The following ABI3BP variants were observed in gnomAD, a reference collection of about 807,000 sequenced individuals.
The protein encoded by ABI3BP is ABI family member 3 binding protein, also known as target of Nesh-SH3.
Under a neutral mutation model 268.6 loss-of-function variants are expected in ABI3BP, and 216 were observed. The observed-to-expected ratio is 0.80, with a 90% CI of 0.72 to 0.90. The LOEUF (loss-of-function observed/expected upper bound fraction) is 0.90, where lower values mean the gene tolerates loss of function less well. Among genes scored for constraint, ABI3BP ranks in the 40% least tolerant of loss-of-function variants. The pLI is 0.00. For synonymous variants in ABI3BP, 730 were observed against 730.0 expected, an observed-to-expected ratio of 1.00 and a Z score of 0.00; for missense variants, 2,090 against 2,182.4, an observed-to-expected ratio of 0.96 and a Z score of 0.84.
intron 56 of ABI3BP, 109 bp downstream of exon 56, chr3:100,789,345 A>G (rs35476532): frequency 0.051 from 50,077 of 979,058 alleles, 1,564 homozygotes; most frequent in Non-Finnish European, 0.063. Context: ...GTCTCTGTAC[A>G]TCTCTTATTG....
intron 65 of ABI3BP, among the ~76,000 whole-genome samples, 186 bp from the exon 66 acceptor site, chr3:100,753,134 C>T (rs1321862732): frequency 6.6e-6 from 1 of 152,074 alleles, no homozygotes; most frequent in Non-Finnish European, 1.5e-5. Flanking sequence ...ATAGATAAAT[C>T]TGAGAGCAGC....
At position 100,894,938 on chromosome 3, in the gene ABI3BP, CAAAAAA is replaced by C. The variant is rs58342344; in HGVS notation, c.461+3818_461+3823del. 6.7e-3 allele frequency among the ~76,000 whole-genome samples: 253 copies of C among 37,702 alleles called. 1 individual carries two copies. Among genetic ancestry groups the C allele is most frequent in the Middle Eastern group, 0.045 (1 of 22 alleles). 24.7% of individuals were successfully genotyped at this position (37,702 alleles called of 152,430 possible). Reference sequence around the variant, plus strand: ...TGGGCGACAGAGCGGGATTCCGCTTCAAAAAAAAAAAAAAAAAAAAAAAAAAAAACA... The same window carrying C: ...TGGGCGACAGAGCGGGATTCCGCTTCAAAAAAAAAAAAAAAAAAAAAAACA... On this transcript the variant is annotated intron_variant, in intron 4 of 67. Coordinates refer to ENST00000471714, the MANE Select transcript of ABI3BP (RefSeq NM_001375547.2).
At position 100,809,414 on chromosome 3, in the gene ABI3BP, T is replaced by C. The variant is rs557639018; in HGVS notation, c.3607+998A>G. The stretch of plus-strand genomic sequence containing the variant: ...AGAAAGACCACCTGAAGGTTAGGCA[T>C]GTCATAAAGCAATTCCATGAAAAAT... On this transcript the variant is annotated intron_variant, in intron 49 of 67. Transcript: ENST00000471714. Among the ~76,000 whole-genome samples the C allele has an allele frequency of 1.0e-3, 156 of 152,186 alleles. 1 individual carries two copies. The highest frequency in any genetic ancestry group is 3.7e-3 in the African/African-American group (152 of 41,556).
intron 55 of ABI3BP, among the ~76,000 whole-genome samples, chr3:100,791,908 A>G (rs1375861900): frequency 6.6e-6 from 1 of 151,830 alleles, no homozygotes; most frequent in Non-Finnish European, 1.5e-5. Flanking sequence ...CCCTCAAATT[A>G]GAACTCATAA....
At chr3:100,786,090 C>G (rs188041782) in intron 57 of ABI3BP, among the ~76,000 whole-genome samples, 13 of 152,278 alleles carry the variant, frequency 8.5e-5, no homozygotes, top group African/African-American at 2.4e-4. Flanking sequence ...GAGATGATAG[C>G]TGGGTGCCGT....
chr3:100,772,025 T>G (rs559924814), intron 61 of ABI3BP, among the ~76,000 whole-genome samples: 2 of 152,146 alleles, frequency 1.3e-5, no homozygotes, highest in Non-Finnish European at 2.9e-5. Context: ...AAAGACATGT[T>G]GTATACAGAA....
chr3:100,766,976 A>G (rs2096298654), intron 62 of ABI3BP, among the ~76,000 whole-genome samples: 1 of 152,184 alleles, frequency 6.6e-6, no homozygotes, highest in African/African-American at 2.4e-5. Context: ...AGAATAACCC[A>G]GATAGACCCC....
At chr3:100,841,852 T>C in intron 21 of ABI3BP, 146 bp downstream of exon 21, 1 of 639,584 alleles carries the variant, frequency 1.6e-6, no homozygotes. Flanking sequence ...ATCACGCCAC[T>C]GCACTCCAGC....
At chr3:100,750,752 T>C (rs2095266566) in intron 67 of ABI3BP, 142 bp from the exon 68 acceptor site, 1 of 615,304 alleles carries the variant, frequency 1.6e-6, no homozygotes, top group East Asian at 2.9e-5. Context: ...AGCAAGAAGT[T>C]CTGGTGTTTT....
In ABI3BP at chr3:100,824,891, T is replaced by C; in HGVS notation, c.2713A>G (p.Thr905Ala). The part of the protein sequence containing the change: ...TRPPRPRPKT[T>A]PSPQAPETKP... ...GTCTCAGGTGCCTGAGGGCTCGGTG[T>C]AGTTTTAGGTCTGGGACGTGGAGGG... Residue 905 changes from threonine to alanine, a missense_variant, in exon 36 of 68, where the codon ACA (threonine) becomes GCA (alanine). By Grantham distance (58) the Thr-to-Ala change is moderately conservative. Coordinates refer to ENST00000471714, the MANE Select transcript of ABI3BP (RefSeq NM_001375547.2). 1 of 1,536,034 alleles carries C rather than the reference T, an allele frequency of 6.5e-7. No homozygotes were observed. Among genetic ancestry groups the C allele is most frequent in the East Asian group, 2.4e-5 (1 of 40,900 alleles).
intron 3 of ABI3BP, among the ~76,000 whole-genome samples, chr3:100,901,765 CAAA>C (rs2050510077): frequency 7.7e-6 from 1 of 129,480 alleles, no homozygotes; most frequent in Non-Finnish European, 1.6e-5. Context: ...GACTCCGTCT[CAAA>C]GAAAAAAAAA....
At chr3:100,822,008 C>G (rs188210583) in intron 38 of ABI3BP, among the ~76,000 whole-genome samples, 2 of 152,220 alleles carry the variant, frequency 1.3e-5, no homozygotes, top group Non-Finnish European at 2.9e-5. Flanking sequence ...CTACTCATCC[C>G]TGTGCCTTGG....
chr3:100,917,736 G>A (rs1243158708), intron 2 of ABI3BP, among the ~76,000 whole-genome samples: 1 of 152,092 alleles, frequency 6.6e-6, no homozygotes, highest in Non-Finnish European at 1.5e-5. Flanking sequence ...AAAATATTGT[G>A]AATTTTTGTA....
chr3:100,942,740 C>T (rs910710897), intron 1 of ABI3BP, among the ~76,000 whole-genome samples: 1 of 152,078 alleles, frequency 6.6e-6, no homozygotes, highest in South Asian at 2.1e-4. Context: ...TGTGAGACCC[C>T]ATCCCAGACC....
chr3:100,817,756 A>G (rs1424058602), intron 41 of ABI3BP, among the ~76,000 whole-genome samples: 1 of 152,234 alleles, frequency 6.6e-6, no homozygotes, highest in African/African-American at 2.4e-5. Context: ...AGATTGTTGG[A>G]CAAGCTTTTT....
rs1415768093 is a variant in ABI3BP at position 100,749,664 on chromosome 3, A to ATCTT, written c.*827_*830dup. 7.5e-6 allele frequency: 3 copies of ATCTT among 398,486 alleles called. No homozygotes were observed. Among genetic ancestry groups the ATCTT allele is most frequent in the Admixed American group, 8.8e-5 (2 of 22,700 alleles). The allele number at this position is 398,486 out of a possible 1,614,324, so 24.7% of individuals were successfully genotyped here. On this transcript the variant is annotated 3_prime_UTR_variant, in exon 68 of 68. Coordinates refer to ENST00000471714, the MANE Select transcript of ABI3BP (RefSeq NM_001375547.2). The stretch of plus-strand genomic sequence containing the variant: ...ATGGTAGGCAATCTCATCGTGCATT[A>ATCTT]TCTTTTTGTGCTCAGACTTGACTTC...
Position 100,874,893 on chromosome 3 carries a change from T to C in ABI3BP, c.858A>G (p.Lys286=). ...IIPGLNETTV[K]LPASLMFEIS... The stretch of plus-strand genomic sequence containing the variant: ...TCTCAAACATTAGGGATGCAGGAAG[T>C]TTTACAGTAGTTTCATTAAGACCTG... The change falls in exon 9 of 68, where the codon AAA becomes AAG. Residue 286 remains lysine, a synonymous_variant. Coordinates refer to ENST00000471714, the MANE Select transcript of ABI3BP (RefSeq NM_001375547.2). The C allele has an allele frequency of 6.2e-7, 1 of 1,601,300 alleles. No homozygotes were observed. Among genetic ancestry groups the C allele is most frequent in the African/African-American group, 1.3e-5 (1 of 74,890 alleles).
chr3:100,811,519 T>C (rs1384448512), intron 47 of ABI3BP, among the ~76,000 whole-genome samples: 2 of 152,132 alleles, frequency 1.3e-5, no homozygotes, highest in Admixed American at 6.6e-5. Flanking sequence ...ACCTTTAGAC[T>C]TCAGCAGAGA....
chr3:100,986,465 T>C (rs750882727), intron 1 of ABI3BP, among the ~76,000 whole-genome samples: 3 of 152,144 alleles, frequency 2.0e-5, no homozygotes, highest in Non-Finnish European at 1.5e-5. Flanking sequence ...AAAAGATAAC[T>C]AACATACTCT....
Sources: allele counts gnomAD v4.1 joint callset (sites outside exome capture counted in the v4.1 genomes callset), GRCh38; gene constraint gnomAD v4.1.1; transcripts MANE v1.5; gene names NCBI Gene and HGNC (gene_info 2026-07-23, HGNC 2026-07-21).